FCHSD2: variants seen among roughly 807,000 people sequenced by gnomAD.
FCHSD2 encodes F-BAR and double SH3 domains protein 2.
In FCHSD2, 38 loss-of-function variants were observed where a neutral mutation model predicts 108.1. The observed-to-expected ratio is 0.35, with a 90% CI of 0.27 to 0.46. The LOEUF (loss-of-function observed/expected upper bound fraction) is 0.46, where lower values mean the gene tolerates loss of function less well. Among genes scored for constraint, FCHSD2 ranks in the 20% least tolerant of loss-of-function variants. FCHSD2 has a pLI of 1.00. For missense variants in FCHSD2, 751 were observed against 897.8 expected, an observed-to-expected ratio of 0.84 and a Z score of 2.09; for synonymous variants, 279 against 314.7, an observed-to-expected ratio of 0.89 and a Z score of 1.20.
At position 73,001,598 on chromosome 11, in the gene FCHSD2, T is replaced by C. The variant is rs375890603; in HGVS notation, c.243-464A>G. 1.5e-3 allele frequency among the ~76,000 whole-genome samples: 226 copies of C among 152,298 alleles called. 3 individuals carry two copies. The South Asian group carries it at 0.045, about 30-fold the overall frequency. ...GCACTACTGAGATACAAGACGAAGATTGGGTACCTGTATATATAGTACATT... is the reference window on the plus strand; with the variant it reads ...GCACTACTGAGATACAAGACGAAGACTGGGTACCTGTATATATAGTACATT... On this transcript the variant is annotated intron_variant, in intron 4 of 19. Transcript: ENST00000409418.
At chr11:72,856,724 C>T (rs1861437239) in intron 13 of FCHSD2, among the ~76,000 whole-genome samples, 1 of 152,178 alleles carries the variant, frequency 6.6e-6, no homozygotes, top group Non-Finnish European at 1.5e-5. Context: ...AAAACAGTCT[C>T]ACATGATACT....
chr11:73,039,264 G>A (rs1591504265), intron 3 of FCHSD2, among the ~76,000 whole-genome samples: 2 of 151,974 alleles, frequency 1.3e-5, no homozygotes, highest in East Asian at 3.9e-4. Flanking sequence ...ACACCTGTAA[G>A]CCCAGCACTT....
intron 8 of FCHSD2, among the ~76,000 whole-genome samples, chr11:72,974,679 A>G (rs1857073308): frequency 6.6e-6 from 1 of 152,200 alleles, no homozygotes; most frequent in African/African-American, 2.4e-5. Flanking sequence ...TACTTTCAGT[A>G]TTCACAAGTA....
chr11:72,867,350 T>C (rs994868556), intron 13 of FCHSD2, among the ~76,000 whole-genome samples: 3 of 152,200 alleles, frequency 2.0e-5, no homozygotes, highest in Admixed American at 6.5e-5. Context: ...TTAAGCTGTG[T>C]CCTGGCCTTG....
In FCHSD2 at chr11:72,838,673, C is replaced by A; in HGVS notation, c.*118G>T. 1 of 796,368 alleles carries A rather than the reference C, an allele frequency of 1.3e-6. No individual in the cohort carries two copies. Among genetic ancestry groups the A allele is most frequent in the Non-Finnish European group, 2.1e-6 (1 of 478,148 alleles). The allele number at this position is 796,368 out of a possible 1,614,324, so 49.3% of individuals were successfully genotyped here. Reference sequence around the variant, plus strand: ...CCAGGCCACCCAGTCACACATAATCCTCCTTGTTTTTTGCTCTGTTCAAGA... The same window carrying A: ...CCAGGCCACCCAGTCACACATAATCATCCTTGTTTTTTGCTCTGTTCAAGA... On this transcript the variant is annotated 3_prime_UTR_variant, in exon 20 of 20. Transcript: ENST00000409418.
At chr11:72,979,113 C>T (rs932699748) in intron 8 of FCHSD2, among the ~76,000 whole-genome samples, 3 of 152,090 alleles carry the variant, frequency 2.0e-5, no homozygotes, top group Admixed American at 2.0e-4. Flanking sequence ...CCACCTCGGC[C>T]TCCCAAGGTG....
chr11:72,875,596 C>T (rs1854952939), intron 12 of FCHSD2, among the ~76,000 whole-genome samples: 1 of 152,194 alleles, frequency 6.6e-6, no homozygotes, highest in South Asian at 2.1e-4. Context: ...CCTGGCCTCC[C>T]AAAATGCTGG....
intron 8 of FCHSD2, among the ~76,000 whole-genome samples, chr11:72,947,880 ATTAT>A (rs1213793798): frequency 1.3e-5 from 2 of 152,320 alleles, no homozygotes; most frequent in Admixed American, 1.3e-4. Flanking sequence ...TATTTTACAT[ATTAT>A]TTATGATTCT....
In FCHSD2 at chr11:73,087,720, A is replaced by AT. The variant is rs111602928; in HGVS notation, c.120-3981dup. 1.4e-3 allele frequency among the ~76,000 whole-genome samples: 205 copies of AT among 151,720 alleles called. 1 individual carries two copies. Among genetic ancestry groups the AT allele is most frequent in the African/African-American group, 4.4e-3 (180 of 41,350 alleles). ...GCTTTGTCTCAAAAAAAAAAAAAAAATTTTTAAAATAAATTTAGTGCAGCC... is the reference window on the plus strand; with the variant it reads ...GCTTTGTCTCAAAAAAAAAAAAAAAATTTTTTAAAATAAATTTAGTGCAGCC... On this transcript the variant is annotated intron_variant, in intron 2 of 19. Transcript: ENST00000409418.
rs377475495 is a variant in FCHSD2 at position 72,909,825 on chromosome 11, C to A, written c.829-7187G>T. ...CGCCCCGTCTGAGAAGTGAGGAGCA[C>A]CTCTGCCCGGCAGCCGCCCCATCTG... On this transcript the variant is annotated intron_variant, in intron 9 of 19. Coordinates refer to ENST00000409418, the MANE Select transcript of FCHSD2 (RefSeq NM_014824.3). Among the ~76,000 whole-genome samples, 5 of 146,076 alleles carry A rather than the reference C, an allele frequency of 3.4e-5. No homozygotes were observed. In the East Asian group the frequency reaches 1.1e-3, roughly 31 times the overall value.
chr11:72,853,698 T>C (rs1479402223), intron 13 of FCHSD2, among the ~76,000 whole-genome samples: 3 of 151,922 alleles, frequency 2.0e-5, no homozygotes, highest in East Asian at 1.9e-4. Context: ...ACCAAGAGCA[T>C]AGGCAACAAA....
chr11:72,899,964 AC>A (rs1855494312), intron 10 of FCHSD2, among the ~76,000 whole-genome samples: 1 of 152,184 alleles, frequency 6.6e-6, no homozygotes, highest in Non-Finnish European at 1.5e-5. Flanking sequence ...AGTCTCCCTT[AC>A]TAGGCTACAG....
chr11:73,142,153 G>A lies in FCHSD2; in HGVS notation c.-276C>T, dbSNP rs1861265304. On this transcript the variant is annotated 5_prime_UTR_variant, in exon 1 of 20. Coordinates refer to ENST00000409418, the MANE Select transcript of FCHSD2 (RefSeq NM_014824.3). ...GTGTGTGAGGAAGGAGGCGGAGACG[G>A]CGAGGGGGCGGGGGCCCCAGGAGCA... The A allele has an allele frequency of 3.6e-6, 1 of 273,990 alleles. No homozygotes were observed. The allele number at this position is 273,990 out of a possible 1,614,324, so 17.0% of individuals were successfully genotyped here.
intron 1 of FCHSD2, among the ~76,000 whole-genome samples, chr11:73,140,816 G>A (rs1861228141): frequency 1.3e-5 from 2 of 152,214 alleles, no homozygotes; most frequent in Admixed American, 6.5e-5. Flanking sequence ...AGAGAGCCTC[G>A]CCCGCCAGGC....
intron 9 of FCHSD2, among the ~76,000 whole-genome samples, chr11:72,919,716 A>T (rs1855943076): frequency 6.6e-6 from 1 of 152,188 alleles, no homozygotes. Context: ...TATTCTTGGA[A>T]AAAAACATTT....
intron 14 of FCHSD2, among the ~76,000 whole-genome samples, chr11:72,845,139 G>A (rs1861085128): frequency 6.6e-6 from 1 of 152,166 alleles, no homozygotes; most frequent in African/African-American, 2.4e-5. Flanking sequence ...GCTATGGAGA[G>A]GCTGAGTGAG....
chr11:72,880,212 G>A (rs1855055700), intron 12 of FCHSD2, among the ~76,000 whole-genome samples: 1 of 151,756 alleles, frequency 6.6e-6, no homozygotes. Context: ...GGACAAAAAC[G>A]AATCCATGTG....
intron 2 of FCHSD2, among the ~76,000 whole-genome samples, chr11:73,118,562 C>A (rs1007845338): frequency 3.3e-5 from 5 of 152,192 alleles, no homozygotes; most frequent in African/African-American, 1.2e-4. Context: ...GAGATTCACC[C>A]ACATTGATGT....
chr11:72,899,826 T>C (rs1855491734), intron 10 of FCHSD2, among the ~76,000 whole-genome samples: 1 of 151,854 alleles, frequency 6.6e-6, no homozygotes, highest in Non-Finnish European at 1.5e-5. Flanking sequence ...TTTTCCATTA[T>C]GAAAAAACTA....
Sources: allele counts gnomAD v4.1 joint callset (sites outside exome capture counted in the v4.1 genomes callset), GRCh38; gene constraint gnomAD v4.1.1; transcripts MANE v1.5; gene names NCBI Gene and HGNC (gene_info 2026-07-23, HGNC 2026-07-21).